Variants in FBXW7 observed in about 807,000 individuals in gnomAD.
FBXW7 encodes F-box and WD repeat domain containing 7.
FBXW7 carries 11 observed loss-of-function variants against 86.3 expected under a neutral mutation model. The observed-to-expected ratio is 0.13, with a 90% CI of 0.08 to 0.21. FBXW7 has a LOEUF of 0.21. Among genes scored for constraint, FBXW7 ranks in the 10% least tolerant of loss-of-function variants. The probability of loss-of-function intolerance (pLI) is 1.00; values close to 1 mark genes in which losing one functional copy is unlikely to be tolerated. For missense variants in FBXW7, 488 were observed against 847.4 expected (o/e 0.58, Z 5.27); for synonymous variants, 313 against 297.9 (o/e 1.05, Z -0.52).
chr4:152,339,865 A>G (rs1730539956), intron 6 of FBXW7, among the ~76,000 whole-genome samples: 2 of 150,246 alleles, frequency 1.3e-5, no homozygotes, highest in South Asian at 4.2e-4. Flanking sequence ...CAAGTCTGCA[A>G]CGAGCTATGA....
At chr4:152,521,568 C>A (rs1448869910) in intron 2 of FBXW7, among the ~76,000 whole-genome samples, 2 of 152,030 alleles carry the variant, frequency 1.3e-5, no homozygotes, top group African/African-American at 4.8e-5. Flanking sequence ...TAATACACAA[C>A]CCTGTAAATA....
At chr4:152,430,714 AAC>A (rs1425331610) in intron 2 of FBXW7, among the ~76,000 whole-genome samples, 1 of 152,138 alleles carries the variant, frequency 6.6e-6, no homozygotes, top group Non-Finnish European at 1.5e-5. Flanking sequence ...AGAGGGAAGA[AAC>A]CAGGGTAGAA....
rs562623843 is a variant in FBXW7, at chr4:152,320,748, T to G, written c.*2133A>C. ...TCTTTGGAAATATGGGTTTGAGTTC[T>G]GGCATTCCGCTAGTTCTATGATTTG... On this transcript the variant is annotated 3_prime_UTR_variant, in exon 14 of 14. Transcript: ENST00000281708. 6.6e-6 allele frequency: 1 copy of G among 152,252 alleles called. No individual in the cohort carries two copies. Among genetic ancestry groups the G allele is most frequent in the East Asian group, 1.9e-4 (1 of 5,186 alleles). 9.4% of individuals were successfully genotyped at this position (152,252 alleles called of 1,614,324 possible). A position where few individuals can be genotyped will look rare whatever the true frequency, so the allele number is the denominator to read the frequency against.
At chr4:152,324,483 G>A in intron 12 of FBXW7, 89 bp from the exon 13 acceptor site, 1 of 1,083,292 alleles carries the variant, frequency 9.2e-7, no homozygotes. Flanking sequence ...GGGGGAAGAG[G>A]ATGGGAAACA....
At chr4:152,417,294 A>G (rs1443796021) in intron 2 of FBXW7, among the ~76,000 whole-genome samples, 1 of 152,142 alleles carries the variant, frequency 6.6e-6, no homozygotes, top group Non-Finnish European at 1.5e-5. Context: ...TTGTTCTTAG[A>G]GCCTCCTATT....
chr4:152,351,999 C>A (rs1176863350), intron 4 of FBXW7, among the ~76,000 whole-genome samples: 2 of 151,800 alleles, frequency 1.3e-5, no homozygotes, highest in Admixed American at 6.6e-5. Context: ...GACTTCAGAA[C>A]CAAAAATTAA....
chr4:152,335,713 T>C (rs1205940508), intron 7 of FBXW7, among the ~76,000 whole-genome samples: 1 of 152,230 alleles, frequency 6.6e-6, no homozygotes, highest in Non-Finnish European at 1.5e-5. Context: ...AACCACATTG[T>C]ACTTAAAAGG....
At chr4:152,334,416 TTACTAATC>T (rs1729870564) in intron 7 of FBXW7, among the ~76,000 whole-genome samples, 1 of 152,206 alleles carries the variant, frequency 6.6e-6, no homozygotes, top group South Asian at 2.1e-4. Flanking sequence ...GGTGTTACCA[TTACTAATC>T]TATGTGGAAT....
chr4:152,382,338 T>G, intron 4 of FBXW7: 1 of 1,566,552 alleles, frequency 6.4e-7, no homozygotes, highest in Non-Finnish European at 8.6e-7. Context: ...TTTGACATTT[T>G]AAAACTCCTC....
chr4:152,482,797 T>A (rs1453245801), intron 2 of FBXW7, among the ~76,000 whole-genome samples: 2 of 152,188 alleles, frequency 1.3e-5, no homozygotes, highest in African/African-American at 2.4e-5. Flanking sequence ...TATTTGTCTT[T>A]ATTCTCTTAC....
intron 2 of FBXW7, among the ~76,000 whole-genome samples, chr4:152,450,470 A>C (rs1741812224): frequency 6.6e-6 from 1 of 152,182 alleles, no homozygotes; most frequent in Non-Finnish European, 1.5e-5. Context: ...AACTTCTAAA[A>C]TCTAGCTATA....
intron 2 of FBXW7, among the ~76,000 whole-genome samples, chr4:152,481,396 T>C (rs1439462644): frequency 1.3e-5 from 2 of 152,224 alleles, no homozygotes; most frequent in African/African-American, 4.8e-5. Context: ...AGAGCTCTGA[T>C]GGAGATATAC....
At chr4:152,521,690 AGAAGG>A (rs1749026764) in intron 2 of FBXW7, among the ~76,000 whole-genome samples, 1 of 152,126 alleles carries the variant, frequency 6.6e-6, no homozygotes, top group Non-Finnish European at 1.5e-5. Context: ...GATCTGGACT[AGAAGG>A]GATCCCAAAG....
chr4:152,343,238 T>C (rs777369876), intron 6 of FBXW7, among the ~76,000 whole-genome samples: 1 of 152,212 alleles, frequency 6.6e-6, no homozygotes, highest in Non-Finnish European at 1.5e-5. Flanking sequence ...GTAAAGCTAA[T>C]GGCATCTGTG....
chr4:152,490,143 T>C (rs926299891), intron 2 of FBXW7, among the ~76,000 whole-genome samples: 1 of 151,916 alleles, frequency 6.6e-6, no homozygotes, highest in Admixed American at 6.6e-5. Context: ...AAAGACAGAG[T>C]ATAACATACG....
At chr4:152,339,519 T>A (rs1730498230) in intron 6 of FBXW7, among the ~76,000 whole-genome samples, 1 of 152,234 alleles carries the variant, frequency 6.6e-6, no homozygotes, top group African/African-American at 2.4e-5. Context: ...TTGATTCACA[T>A]CCCTCACAGG....
chr4:152,434,462 A>G (rs554761667), intron 2 of FBXW7, among the ~76,000 whole-genome samples: 40 of 152,324 alleles, frequency 2.6e-4, no homozygotes, highest in Admixed American at 5.9e-4. Context: ...AAAAAAGATA[A>G]TATGTTCATC....
rs1161978650 is a variant in FBXW7 at position 152,535,028 on chromosome 4, G to A, written c.-207C>T. On this transcript the variant is annotated 5_prime_UTR_variant, in exon 2 of 14. Transcript: ENST00000281708. ...AGCGGCAGCTGCGGAAGGCTCCGGCGCGGTACTGAGGAAGAAGCGGTGCTC... is the reference window on the plus strand; with the variant it reads ...AGCGGCAGCTGCGGAAGGCTCCGGCACGGTACTGAGGAAGAAGCGGTGCTC... The A allele has an allele frequency of 6.6e-6, 1 of 152,278 alleles. No homozygotes were observed. The highest frequency in any genetic ancestry group is 2.4e-5 in the African/African-American group (1 of 41,452). 9.4% of individuals were successfully genotyped at this position (152,278 alleles called of 1,614,324 possible).
chr4:152,384,722 A>C (rs1231173309), intron 4 of FBXW7, among the ~76,000 whole-genome samples: 2 of 152,072 alleles, frequency 1.3e-5, no homozygotes, highest in East Asian at 3.9e-4. Flanking sequence ...TTTTTAAACA[A>C]AAAAGTAAAT....
Sources: gnomAD v4.1 joint callset for allele counts (sites outside exome capture counted in the v4.1 genomes callset) on GRCh38, gnomAD v4.1.1 for gene constraint, MANE v1.5 for transcripts, NCBI Gene and HGNC (gene_info 2026-07-23, HGNC 2026-07-21) for gene names.